CDK14: variants seen among roughly 807,000 people sequenced by gnomAD.
CDK14 encodes cyclin-dependent kinase 14.
Under a neutral mutation model 60.7 loss-of-function variants are expected in CDK14, and 34 were observed. That is an observed-to-expected ratio of 0.56 (90% CI 0.43 to 0.75). The LOEUF is 0.75. CDK14 is among the 30% of genes least tolerant of loss of function. The pLI is 0.00. For missense variants in CDK14, 482 were observed against 564.1 expected (o/e 0.85, Z 1.47); for synonymous variants, 197 against 203.7 (o/e 0.97, Z 0.28).
intron 2 of CDK14, among the ~76,000 whole-genome samples, chr7:90,607,755 G>A (rs1274820916): frequency 1.3e-5 from 2 of 152,110 alleles, no homozygotes; most frequent in African/African-American, 4.8e-5. Flanking sequence ...TTGGAGAGGG[G>A]ACATTCTATG....
At chr7:91,196,906 CT>C (rs1363665997) in intron 14 of CDK14, among the ~76,000 whole-genome samples, 1 of 152,186 alleles carries the variant, frequency 6.6e-6, no homozygotes, top group Non-Finnish European at 1.5e-5. Context: ...ATTTGTAAAA[CT>C]TTTGTGACTC....
chr7:90,871,778 G>A (rs1218104765), intron 6 of CDK14, among the ~76,000 whole-genome samples: 3 of 152,164 alleles, frequency 2.0e-5, no homozygotes, highest in Non-Finnish European at 4.4e-5. Flanking sequence ...TTTTGCAGAT[G>A]AGGAAATTTA....
At chr7:90,816,947 G>T (rs1025227199) in intron 5 of CDK14, among the ~76,000 whole-genome samples, 1 of 152,160 alleles carries the variant, frequency 6.6e-6, no homozygotes, top group Non-Finnish European at 1.5e-5. Context: ...AGTGAAAGTC[G>T]TATGAGTCAT....
chr7:91,138,009 T>C (rs1358110167), intron 14 of CDK14, among the ~76,000 whole-genome samples: 1 of 152,124 alleles, frequency 6.6e-6, no homozygotes, highest in African/African-American at 2.4e-5. Flanking sequence ...CAGATGAAAA[T>C]AGAGTTCTGT....
At chr7:90,878,413 G>A (rs1212603016) in intron 6 of CDK14, among the ~76,000 whole-genome samples, 1 of 152,058 alleles carries the variant, frequency 6.6e-6, no homozygotes, top group East Asian at 1.9e-4. Context: ...GTGCTAGACT[G>A]GCCACAGATT....
chr7:90,897,059 A>G (rs1050635611), intron 6 of CDK14, among the ~76,000 whole-genome samples: 22 of 152,100 alleles, frequency 1.4e-4, no homozygotes, highest in African/African-American at 5.1e-4. Context: ...AAACCCTTCA[A>G]GATTTTGTGA....
At chr7:90,619,993 AAAC>A (rs1024768601) in intron 2 of CDK14, among the ~76,000 whole-genome samples, 2 of 152,188 alleles carry the variant, frequency 1.3e-5, no homozygotes, top group Admixed American at 6.5e-5. Flanking sequence ...AAGACTCTCG[AAAC>A]AACAACAACA....
At chr7:90,851,992 G>C (rs1167549032) in intron 5 of CDK14, among the ~76,000 whole-genome samples, 3 of 152,012 alleles carry the variant, frequency 2.0e-5, no homozygotes, top group African/African-American at 7.2e-5. Flanking sequence ...TCAAACTCCT[G>C]GGTTCAGGTG....
chr7:91,127,615 A>G (rs928129733), intron 14 of CDK14, among the ~76,000 whole-genome samples: 1 of 152,162 alleles, frequency 6.6e-6, no homozygotes, highest in African/African-American at 2.4e-5. Context: ...AAATGTATGT[A>G]CATTTTAGAA....
intron 11 of CDK14, among the ~76,000 whole-genome samples, chr7:91,066,868 T>A (rs1467374186): frequency 6.6e-6 from 1 of 152,208 alleles, no homozygotes; most frequent in East Asian, 1.9e-4. Flanking sequence ...TGTGTTGGGA[T>A]CATCCTCTGC....
At chr7:90,629,456 GTCAA>G (rs1799946519) in intron 2 of CDK14, among the ~76,000 whole-genome samples, 1 of 152,130 alleles carries the variant, frequency 6.6e-6, no homozygotes, top group Non-Finnish European at 1.5e-5. Flanking sequence ...TCTGTCCCTA[GTCAA>G]TACTTTTAGG....
At chr7:90,881,288 C>T (rs534492075) in intron 6 of CDK14, among the ~76,000 whole-genome samples, 5 of 152,148 alleles carry the variant, frequency 3.3e-5, no homozygotes, top group Admixed American at 6.5e-5. Context: ...ATGAGAACTT[C>T]GTGAAGCATA....
At chr7:91,138,070 A>T (rs1168653868) in intron 14 of CDK14, among the ~76,000 whole-genome samples, 1 of 152,218 alleles carries the variant, frequency 6.6e-6, no homozygotes. Context: ...AGGTTTAATT[A>T]AAACTGCCTC....
chr7:90,890,004 T>C (rs1584091723), intron 6 of CDK14, among the ~76,000 whole-genome samples: 1 of 152,246 alleles, frequency 6.6e-6, no homozygotes, highest in Non-Finnish European at 1.5e-5. Context: ...TATGGAATTT[T>C]AATATAGCAT....
intron 1 of CDK14, among the ~76,000 whole-genome samples, chr7:90,597,035 C>G (rs1165004539): frequency 6.6e-6 from 1 of 152,200 alleles, no homozygotes; most frequent in African/African-American, 2.4e-5. Flanking sequence ...GCCCCCACCG[C>G]GCAAGGGGCT....
intron 14 of CDK14, among the ~76,000 whole-genome samples, chr7:91,197,797 A>C (rs1490772472): frequency 6.6e-6 from 1 of 152,254 alleles, no homozygotes; most frequent in Non-Finnish European, 1.5e-5. Flanking sequence ...CTTGGATTCT[A>C]TAGAAATATA....
intron 4 of CDK14, among the ~76,000 whole-genome samples, chr7:90,790,368 A>G (rs190003576): frequency 6.6e-6 from 1 of 152,346 alleles, no homozygotes; most frequent in Non-Finnish European, 1.5e-5. Context: ...ATCTTGGCCT[A>G]TGCAAGTATG....
chr7:91,174,959 C>G (rs1483632375), intron 14 of CDK14, among the ~76,000 whole-genome samples: 4 of 145,898 alleles, frequency 2.7e-5, no homozygotes, highest in Admixed American at 2.0e-4. Flanking sequence ...ACAGAGAACG[C>G]CACAAAGATA....
chr7:90,694,099 G>A (rs931021390), intron 2 of CDK14, among the ~76,000 whole-genome samples: 1 of 152,172 alleles, frequency 6.6e-6, no homozygotes, highest in African/African-American at 2.4e-5. Context: ...CTGCTTCAGG[G>A]TAGAGAGCTT....
Sources: gnomAD v4.1 joint callset for allele counts (sites outside exome capture counted in the v4.1 genomes callset) on GRCh38, gnomAD v4.1.1 for gene constraint, MANE v1.5 for transcripts, NCBI Gene and HGNC (gene_info 2026-07-23, HGNC 2026-07-21) for gene names.